Variants in CDH18 observed in about 807,000 individuals in gnomAD.
The protein encoded by CDH18 is cadherin 18.
CDH18 carries 31 observed loss-of-function variants against 67.9 expected under a neutral mutation model. The observed-to-expected ratio is 0.46, with a 90% CI of 0.34 to 0.62. The LOEUF is 0.62. Ranked by LOEUF, CDH18 falls within the 20% of genes least tolerant of loss-of-function variation. CDH18 has a pLI of 0.01. For synonymous variants in CDH18, 362 were observed against 347.2 expected (o/e 1.04, Z -0.48); for missense variants, 890 against 975.5 (o/e 0.91, Z 1.17).
intron 2 of CDH18, among the ~76,000 whole-genome samples, chr5:20,218,256 C>T (rs1488902713): frequency 6.6e-6 from 1 of 151,792 alleles, no homozygotes; most frequent in East Asian, 1.9e-4. Flanking sequence ...AAGAACAGAC[C>T]ATTTGCTAGG....
chr5:19,965,820 T>C (rs925974990), intron 2 of CDH18, among the ~76,000 whole-genome samples: 3 of 151,956 alleles, frequency 2.0e-5, no homozygotes, highest in African/African-American at 7.2e-5. Flanking sequence ...GGAACAAAAG[T>C]GCAACTGGAC....
At chr5:20,326,865 G>A (rs1377351338) in intron 1 of CDH18, among the ~76,000 whole-genome samples, 2 of 152,190 alleles carry the variant, frequency 1.3e-5, no homozygotes, top group Admixed American at 1.3e-4. Flanking sequence ...TTTAAGTTTT[G>A]AAACTGAATG....
intron 2 of CDH18, among the ~76,000 whole-genome samples, chr5:19,872,371 T>C (rs1426445468): frequency 6.6e-6 from 1 of 152,198 alleles, no homozygotes; most frequent in Non-Finnish European, 1.5e-5. Context: ...GGTTTATTTA[T>C]ATAGTAAATG....
chr5:20,470,144 T>C lies in CDH18; in HGVS notation c.-580+105318A>G, dbSNP rs906368279. The stretch of plus-strand genomic sequence containing the variant: ...CTCATGCCACTGGGAAGTGCATGTA[T>C]TGATCTCACAATATTTTCACTTTCC... On this transcript the variant is annotated intron_variant, in intron 1 of 14. Coordinates refer to the CDH18 transcript ENST00000507958. Among the ~76,000 whole-genome samples, 4 of 152,200 alleles carry C rather than the reference T, an allele frequency of 2.6e-5. No individual in the cohort carries two copies. In the East Asian group the frequency reaches 7.7e-4, roughly 29 times the overall value.
intron 5 of CDH18, among the ~76,000 whole-genome samples, chr5:19,709,814 CA>C (rs1442443597): frequency 9.9e-5 from 15 of 152,022 alleles, no homozygotes; most frequent in Non-Finnish European, 1.9e-4. Flanking sequence ...GAGATTTTAA[CA>C]ATAATAGAAA....
At position 19,626,479 on chromosome 5, in the gene CDH18, C is replaced by T. The variant is rs936777882; in HGVS notation, c.644-13878G>A. 2.0e-5 allele frequency among the ~76,000 whole-genome samples: 3 copies of T among 151,422 alleles called. No individual in the cohort carries two copies. In the South Asian group the frequency reaches 6.3e-4, roughly 32 times the overall value. ...TGGCCTTGGATTCCTTTATCCTGAG[C>T]ACTATAAACAGTTATTCATTCCTTC... On this transcript the variant is annotated intron_variant, in intron 5 of 12. Coordinates refer to ENST00000382275, the MANE Select transcript of CDH18 (RefSeq NM_004934.5).
intron 2 of CDH18, among the ~76,000 whole-genome samples, chr5:20,065,934 T>G (rs1306637947): frequency 6.6e-6 from 1 of 152,110 alleles, no homozygotes; most frequent in Admixed American, 6.6e-5. Context: ...TTTTGCTAAA[T>G]ATATCTAAAT....
intron 2 of CDH18, among the ~76,000 whole-genome samples, chr5:19,932,833 A>G (rs55768294): frequency 0.073 from 11,065 of 151,632 alleles, 1,046 homozygotes; most frequent in East Asian, 0.27. Flanking sequence ...TAGATATACC[A>G]TTAGACTAAA....
intron 2 of CDH18, among the ~76,000 whole-genome samples, chr5:20,132,630 T>C (rs1451612152): frequency 1.3e-5 from 2 of 152,182 alleles, no homozygotes; most frequent in African/African-American, 2.4e-5. Flanking sequence ...GTATAAATTA[T>C]TTCTCATTTT....
At chr5:20,113,442 C>A (rs1274533202) in intron 2 of CDH18, among the ~76,000 whole-genome samples, 1 of 152,150 alleles carries the variant, frequency 6.6e-6, no homozygotes, top group Non-Finnish European at 1.5e-5. Context: ...CGCCCCACAA[C>A]TAAAACAACA....
chr5:19,659,502 T>G (rs1293667396), intron 5 of CDH18, among the ~76,000 whole-genome samples: 1 of 152,136 alleles, frequency 6.6e-6, no homozygotes, highest in African/African-American at 2.4e-5. Flanking sequence ...TTTTAAACAC[T>G]GTTGAAAGTA....
chr5:20,043,240 T>C lies in CDH18; in HGVS notation c.-517-51226A>G, dbSNP rs368324336. 6.2e-4 allele frequency among the ~76,000 whole-genome samples: 94 copies of C among 152,236 alleles called. No individual in the cohort carries two copies. The South Asian group carries it at 0.017, about 27-fold the overall frequency. On this transcript the variant is annotated intron_variant, in intron 2 of 14. Coordinates refer to the CDH18 transcript ENST00000507958. ...GATAAAAGCTTCTGGCTGGAAACCA[T>C]TGATTTAAAGCCACCGCAGACTGCA...
chr5:19,838,118 T>G lies in CDH18; in HGVS notation c.228+641A>C, dbSNP rs567942185. Among the ~76,000 whole-genome samples the G allele has an allele frequency of 8.1e-4, 123 of 152,298 alleles. 1 individual carries two copies. The highest frequency in any genetic ancestry group is 2.7e-3 in the African/African-American group (114 of 41,578). On this transcript the variant is annotated intron_variant, in intron 3 of 12. Transcript: ENST00000382275. The stretch of plus-strand genomic sequence containing the variant: ...GATCATTTTGTTAACTTCATTCTAT[T>G]GTGATTTTTTTTCAAAGCCTGTATA...
chr5:20,117,219 G>A (rs1030451082), intron 2 of CDH18, among the ~76,000 whole-genome samples: 8 of 152,068 alleles, frequency 5.3e-5, no homozygotes, highest in East Asian at 1.9e-4. Flanking sequence ...AAATAGGCTT[G>A]CTAATTAAAA....
At chr5:19,590,135 G>T (rs933717924) in intron 7 of CDH18, among the ~76,000 whole-genome samples, 1 of 152,032 alleles carries the variant, frequency 6.6e-6, no homozygotes, top group Non-Finnish European at 1.5e-5. Flanking sequence ...GTGGAACATA[G>T]CAACTGACAC....
At chr5:20,329,636 G>C (rs919952368) in intron 1 of CDH18, among the ~76,000 whole-genome samples, 1 of 151,870 alleles carries the variant, frequency 6.6e-6, no homozygotes, top group Non-Finnish European at 1.5e-5. Context: ...CGGACGTGGT[G>C]GTGGGCATCT....
chr5:20,237,600 A>G (rs1742575944), intron 2 of CDH18, among the ~76,000 whole-genome samples: 1 of 151,940 alleles, frequency 6.6e-6, no homozygotes, highest in Non-Finnish European at 1.5e-5. Context: ...GATAAATCTG[A>G]TAAAATATAT....
chr5:20,467,346 C>A (rs1751708180), intron 1 of CDH18, among the ~76,000 whole-genome samples: 1 of 145,378 alleles, frequency 6.9e-6, no homozygotes, highest in Admixed American at 7.0e-5. Flanking sequence ...TTTAAGATTT[C>A]TCTTCATGGC....
At chr5:20,003,850 T>C (rs1011932771) in intron 2 of CDH18, among the ~76,000 whole-genome samples, 7 of 152,194 alleles carry the variant, frequency 4.6e-5, no homozygotes, top group African/African-American at 7.2e-5. Context: ...TGAGCCCAGA[T>C]TGAGCCACTG....
Sources: allele counts gnomAD v4.1 joint callset (sites outside exome capture counted in the v4.1 genomes callset), GRCh38; gene constraint gnomAD v4.1.1; transcripts MANE v1.5; gene names NCBI Gene and HGNC (gene_info 2026-07-23, HGNC 2026-07-21).